The following CLIP3 variants were observed in gnomAD, a reference collection of about 807,000 sequenced individuals.
CLIP3 encodes the protein CAP-Gly domain-containing linker protein 3.
CLIP3 carries 15 observed loss-of-function variants against 59.4 expected under a neutral mutation model. The ratio of observed to expected loss-of-function variants is 0.25; its 90% CI spans 0.17 to 0.39. The LOEUF (loss-of-function observed/expected upper bound fraction) is 0.39. Among genes scored for constraint, CLIP3 ranks in the 10% least tolerant of loss-of-function variants. The pLI is 1.00. For synonymous variants in CLIP3, 300 were observed against 321.6 expected (o/e 0.93, Z 0.72); for missense variants, 495 against 765.7 (o/e 0.65, Z 4.17).
intron 2 of CLIP3, among the ~76,000 whole-genome samples, chr19:36,027,887 T>G (rs1969154922): frequency 1.3e-5 from 2 of 150,854 alleles, no homozygotes; most frequent in South Asian, 4.2e-4. Context: ...AGTTTTAAAA[T>G]TAGCCAGGTG....
At chr19:36,031,003 C>CTTT (rs1568545487) in intron 2 of CLIP3, among the ~76,000 whole-genome samples, 1 of 62,840 alleles carries the variant, frequency 1.6e-5, no homozygotes, top group African/African-American at 7.2e-5. Flanking sequence ...TTCTTTTTTT[C>CTTT]TTTTCTTTTT....
chr19:36,019,598 A>ATTTTTTTTTTTT (rs200645934), intron 7 of CLIP3, among the ~76,000 whole-genome samples: 2 of 99,394 alleles, frequency 2.0e-5, no homozygotes, highest in East Asian at 5.8e-4. Context: ...TTATTTATTT[A>ATTTTTTTTTTTT]TTTTATTTAT....
chr19:36,030,088 C>A (rs944962546), intron 2 of CLIP3, among the ~76,000 whole-genome samples: 3 of 152,138 alleles, frequency 2.0e-5, no homozygotes, highest in African/African-American at 7.2e-5. Context: ...CAGGGTCTCA[C>A]TGTGTCACCC....
Position 36,024,388 on chromosome 19 carries a change from C to A in CLIP3, c.918+8G>T. On this transcript the variant is annotated splice_region_variant and intron_variant, in intron 7 of 13. Transcript: ENST00000360535. ...CCCACCATGCAAACACACATCCCAGCCCCTGACCTTCTGGCCATCCAGCAG... is the reference window on the plus strand; with the variant it reads ...CCCACCATGCAAACACACATCCCAGACCCTGACCTTCTGGCCATCCAGCAG... The A allele has an allele frequency of 1.2e-6, 2 of 1,611,356 alleles. No homozygotes were observed. The highest frequency in any genetic ancestry group is 8.5e-7 in the Non-Finnish European group (1 of 1,178,698).
rs1968802590 is a variant in CLIP3, at chr19:36,016,475, G to A, written c.1590-263C>T. ...CAATTCTCCTGTCTCAGCCTCCCGA[G>A]TAGCTGGGACTACAGGTGTATGCCA... On this transcript the variant is annotated intron_variant, in intron 13 of 13. Transcript: ENST00000360535. The surrounding 1 kb of genome is among the most constrained non-coding windows in gnomAD (Gnocchi z 4.1). Among the ~76,000 whole-genome samples the A allele has an allele frequency of 6.6e-6, 1 of 152,204 alleles. No individual in the cohort carries two copies. The highest frequency in any genetic ancestry group is 2.4e-5 in the African/African-American group (1 of 41,450).
intron 2 of CLIP3, among the ~76,000 whole-genome samples, chr19:36,028,528 C>A (rs181227803): frequency 6.6e-6 from 1 of 152,112 alleles, no homozygotes; most frequent in African/African-American, 2.4e-5. Context: ...GAACTCAGTG[C>A]GTGGTGAATG....
rs1186314751 is a variant in CLIP3, at chr19:36,026,029, AT to A, written c.681+117del. On this transcript the variant is annotated intron_variant, in intron 6 of 13. Transcript: ENST00000360535. The surrounding 1 kb of genome is among the most constrained non-coding windows in gnomAD (Gnocchi z 6.3). ...TTTCAGCTGTTATTGCATTTGCTGA[AT>A]GTACAGACGGCATTTGTAGTATTTG... 3.5e-5 allele frequency: 25 copies of A among 712,892 alleles called. No individual in the cohort carries two copies. Among genetic ancestry groups the A allele is most frequent in the Non-Finnish European group, 5.3e-5 (21 of 399,646 alleles). The allele number at this position is 712,892 out of a possible 1,614,324, so 44.2% of individuals were successfully genotyped here.
chr19:36,031,057 T>C (rs1291264578), intron 2 of CLIP3, among the ~76,000 whole-genome samples: 1 of 141,188 alleles, frequency 7.1e-6, no homozygotes, highest in African/African-American at 2.6e-5. Flanking sequence ...AGTCTTACTC[T>C]GTCACTCAGG....
Position 36,026,753 on chromosome 19 carries a change from C to T in CLIP3, c.401-6G>A, listed in dbSNP as rs10418015. ...CACGGCTGCCGCGGGGTCCCCTGCG[C>T]GATAGGCCGGGTCAGCTTGGAACCC... On this transcript the variant is annotated splice_region_variant and splice_polypyrimidine_tract_variant and intron_variant, in intron 4 of 13. Transcript: ENST00000360535. This position sits in a 1 kb window ranked among gnomAD's most constrained non-coding sequence, Gnocchi z 6.3. 732,532 of 1,589,258 alleles carry T rather than the reference C, an allele frequency of 0.46. 171,097 individuals are homozygous for T. Among genetic ancestry groups the T allele is most frequent in the African/African-American group, 0.63 (46,709 of 74,608 alleles).
chr19:36,016,549 T>C lies in CLIP3; in HGVS notation c.1590-337A>G, dbSNP rs951112833. ...TTTTGGTAGAGACGGGGTTTCACCA[T>C]GTTGGCCAGGCTGGTCTTGAACTCC... On this transcript the variant is annotated intron_variant, in intron 13 of 13. Transcript: ENST00000360535. The surrounding 1 kb of genome is among the most constrained non-coding windows in gnomAD (Gnocchi z 4.1). Among the ~76,000 whole-genome samples the C allele has an allele frequency of 1.1e-4, 16 of 152,200 alleles. No homozygotes were observed. The highest frequency in any genetic ancestry group is 1.5e-5 in the Non-Finnish European group (1 of 68,034).
In CLIP3 at chr19:36,017,369, A is replaced by T; in HGVS notation, c.1516+17T>A. 1 of 1,613,140 alleles carries T rather than the reference A, an allele frequency of 6.2e-7. No individual in the cohort carries two copies. The highest frequency in any genetic ancestry group is 8.5e-7 in the Non-Finnish European group (1 of 1,179,176). On this transcript the variant is annotated intron_variant, in intron 12 of 13. Coordinates refer to ENST00000360535, the MANE Select transcript of CLIP3 (RefSeq NM_015526.3). ...CCCAAACGTACACTCCTCCCAACATATCATCCCCTAACTCACTTGTCACTT... is the reference window on the plus strand; with the variant it reads ...CCCAAACGTACACTCCTCCCAACATTTCATCCCCTAACTCACTTGTCACTT...
rs1319254839 is a variant in CLIP3, at chr19:36,026,139, G to A, written c.681+8C>T. 9 of 1,605,030 alleles carry A rather than the reference G, an allele frequency of 5.6e-6. No homozygotes were observed. The highest frequency in any genetic ancestry group is 1.7e-5 in the Admixed American group (1 of 59,926). ...AGGGTAACGGGTTCTGGGCAAGGGTGGCAGTACCCTCAGCGCAGGGTTGGC... is the reference window on the plus strand; with the variant it reads ...AGGGTAACGGGTTCTGGGCAAGGGTAGCAGTACCCTCAGCGCAGGGTTGGC... On this transcript the variant is annotated splice_region_variant and intron_variant, in intron 6 of 13. Coordinates refer to ENST00000360535, the MANE Select transcript of CLIP3 (RefSeq NM_015526.3). The surrounding 1 kb of genome is among the most constrained non-coding windows in gnomAD (Gnocchi z 6.3).
At chr19:36,022,065 A>G (rs1968965455) in intron 7 of CLIP3, among the ~76,000 whole-genome samples, 1 of 151,780 alleles carries the variant, frequency 6.6e-6, no homozygotes, top group Admixed American at 6.6e-5. Flanking sequence ...TTTTTTTTGT[A>G]GAGACGAGGT....
chr19:36,018,098 G>T, intron 9 of CLIP3, 107 bp from the exon 10 acceptor site: 1 of 1,282,664 alleles, frequency 7.8e-7, no homozygotes, highest in Non-Finnish European at 1.1e-6. Flanking sequence ...TTCGTTTGAA[G>T]TGAAACTGAA....
At position 36,016,712 on chromosome 19, in the gene CLIP3, G is replaced by A. The variant is rs1568538672; in HGVS notation, c.1589+195C>T. ...TTCTGCTTCCTTTACCGGCCCACCC[G>A]AAAGTGGAATTCACTAGAATTCAGT... On this transcript the variant is annotated intron_variant, in intron 13 of 13. Transcript: ENST00000360535. This position sits in a 1 kb window ranked among gnomAD's most constrained non-coding sequence, Gnocchi z 4.1. The A allele has an allele frequency of 1.3e-5, 8 of 610,524 alleles. No homozygotes were observed. Among genetic ancestry groups the A allele is most frequent in the Non-Finnish European group, 1.7e-5 (6 of 343,362 alleles). 37.8% of individuals were successfully genotyped at this position (610,524 alleles called of 1,614,324 possible).
Position 36,026,796 on chromosome 19 carries a change from C to T in CLIP3, c.401-49G>A, listed in dbSNP as rs747568280. On this transcript the variant is annotated intron_variant, in intron 4 of 13. Coordinates refer to ENST00000360535, the MANE Select transcript of CLIP3 (RefSeq NM_015526.3). This position sits in a 1 kb window ranked among gnomAD's most constrained non-coding sequence, Gnocchi z 6.3. ...TGGAACCCCCATTCCAGAGCATGGG[C>T]CCAGTGCACGGGGAGGACCCTGGGC... 2 of 1,574,384 alleles carry T rather than the reference C, an allele frequency of 1.3e-6. No individual in the cohort carries two copies. Among genetic ancestry groups the T allele is most frequent in the Non-Finnish European group, 1.7e-6 (2 of 1,165,532 alleles).
At chr19:36,031,297 G>A (rs1342891693) in intron 2 of CLIP3, among the ~76,000 whole-genome samples, 7 of 152,036 alleles carry the variant, frequency 4.6e-5, no homozygotes, top group Non-Finnish European at 1.5e-5. Flanking sequence ...GATTACAGGC[G>A]TGAGACACCA....
chr19:36,032,652 G>A lies in CLIP3; in HGVS notation c.-59+72C>T, dbSNP rs998027383. The A allele has an allele frequency of 3.2e-5, 9 of 282,678 alleles. No individual in the cohort carries two copies. The highest frequency in any genetic ancestry group is 1.0e-4 in the Admixed American group (2 of 19,058). 17.5% of individuals were successfully genotyped at this position (282,678 alleles called of 1,614,324 possible). A position where few individuals can be genotyped will look rare whatever the true frequency, so the allele number is the denominator to read the frequency against. On this transcript the variant is annotated intron_variant, in intron 1 of 13. Transcript: ENST00000360535. This position sits in a 1 kb window ranked among gnomAD's most constrained non-coding sequence, Gnocchi z 4.3. ...CTCAGTCGCGGCTGCCCCCTCCCCG[G>A]GTTTGTTTATCTCGGGATTCAGGAT...
At chr19:36,021,978 A>C (rs1026347870) in intron 7 of CLIP3, among the ~76,000 whole-genome samples, 4 of 151,962 alleles carry the variant, frequency 2.6e-5, no homozygotes, top group Admixed American at 1.3e-4. Flanking sequence ...TCCTGGGTTC[A>C]TGCCATTCTC....
Sources: allele counts gnomAD v4.1 joint callset (sites outside exome capture counted in the v4.1 genomes callset), GRCh38; gene constraint gnomAD v4.1.1; non-coding constraint Gnocchi (gnomAD v3.1); transcripts MANE v1.5; gene names NCBI Gene and HGNC (gene_info 2026-07-23, HGNC 2026-07-21).